ERN1: variants seen among roughly 807,000 people sequenced by gnomAD.
The protein encoded by ERN1 is serine/threonine-protein kinase/endoribonuclease IRE1.
In ERN1, 39 loss-of-function variants were observed where a neutral mutation model predicts 113.1. That is an observed-to-expected ratio of 0.34 (90% CI 0.27 to 0.45). ERN1 has a LOEUF of 0.45. Among genes scored for constraint, ERN1 ranks in the 20% least tolerant of loss-of-function variants. The pLI, the probability that ERN1 is intolerant of heterozygous loss-of-function variation, is 1.00. For synonymous variants in ERN1, 507 were observed against 515.9 expected, an observed-to-expected ratio of 0.98 and a Z score of 0.23; for missense variants, 976 against 1,274.8, an observed-to-expected ratio of 0.77 and a Z score of 3.57.
chr17:64,104,070 C>T (rs1433708231), intron 1 of ERN1, among the ~76,000 whole-genome samples: 1 of 148,484 alleles, frequency 6.7e-6, no homozygotes. Context: ...GAGACCCCAT[C>T]TTGACAAAAA....
At chr17:64,072,792 A>G (rs995386811) in intron 5 of ERN1, among the ~76,000 whole-genome samples, 1 of 152,236 alleles carries the variant, frequency 6.6e-6, no homozygotes, top group African/African-American at 2.4e-5. Flanking sequence ...TCAATGGTAT[A>G]TACCCAACAG....
At chr17:64,075,548 T>A (rs2143398406) in intron 4 of ERN1, among the ~76,000 whole-genome samples, 1 of 152,280 alleles carries the variant, frequency 6.6e-6, no homozygotes, top group East Asian at 1.9e-4. Flanking sequence ...TTCTCTCACC[T>A]CAGCCTCCCA....
intron 1 of ERN1, among the ~76,000 whole-genome samples, chr17:64,121,278 G>T (rs535441408): frequency 6.6e-6 from 1 of 152,312 alleles, no homozygotes; most frequent in African/African-American, 2.4e-5. Flanking sequence ...GCACGGTAAT[G>T]CAAGAGTTCT....
intron 12 of ERN1, among the ~76,000 whole-genome samples, chr17:64,057,421 T>C (rs1008793102): frequency 6.6e-5 from 10 of 151,416 alleles, no homozygotes; most frequent in Non-Finnish European, 8.8e-5. Flanking sequence ...CAGGCTGGAG[T>C]GCAGTGGTGT....
chr17:64,078,470 C>A (rs934723206), intron 4 of ERN1, among the ~76,000 whole-genome samples: 2 of 152,084 alleles, frequency 1.3e-5, no homozygotes, highest in African/African-American at 4.8e-5. Flanking sequence ...TTAATATAAT[C>A]AATATATTGA....
chr17:64,090,736 T>C (rs1914065357), intron 2 of ERN1, among the ~76,000 whole-genome samples: 1 of 152,136 alleles, frequency 6.6e-6, no homozygotes, highest in South Asian at 2.1e-4. Context: ...AAATGAGAAA[T>C]GCATTACTTT....
chr17:64,066,742 A>G lies in ERN1; in HGVS notation c.771T>C (p.Ser257=). The part of the protein sequence containing the change: ...VETLRYLTFM[S]GEVGRITKWK... Reference sequence around the variant, plus strand: ...ACTTTGTGATGCGCCCCACCTCCCCAGACATGAAGGTCAGATAGCGCAGGG... The same window carrying G: ...ACTTTGTGATGCGCCCCACCTCCCCGGACATGAAGGTCAGATAGCGCAGGG... The change falls in exon 8 of 22, where the codon TCT becomes TCC. Residue 257 remains serine (S), a synonymous_variant. Coordinates refer to ENST00000433197, the MANE Select transcript of ERN1 (RefSeq NM_001433.5). 6.2e-7 allele frequency: 1 copy of G among 1,613,920 alleles called. No individual in the cohort carries two copies. Among genetic ancestry groups the G allele is most frequent in the East Asian group, 2.2e-5 (1 of 44,876 alleles).
chr17:64,126,847 C>T (rs891778929), intron 1 of ERN1, among the ~76,000 whole-genome samples: 4 of 151,660 alleles, frequency 2.6e-5, no homozygotes, highest in Non-Finnish European at 5.9e-5. Context: ...CCTCAGTTCT[C>T]GGTGACTTTT....
intron 2 of ERN1, among the ~76,000 whole-genome samples, chr17:64,083,849 C>T (rs1913842983): frequency 6.6e-6 from 1 of 152,178 alleles, no homozygotes; most frequent in African/African-American, 2.4e-5. Flanking sequence ...ATCTAAATCA[C>T]TTCTTTAAGC....
intron 1 of ERN1, among the ~76,000 whole-genome samples, chr17:64,104,900 C>A (rs1230772855): frequency 2.6e-5 from 4 of 152,150 alleles, no homozygotes; most frequent in Non-Finnish European, 5.9e-5. Context: ...CAGTGTCATG[C>A]ACACGTGTTC....
intron 1 of ERN1, among the ~76,000 whole-genome samples, chr17:64,103,410 T>C (rs1346636395): frequency 2.0e-5 from 3 of 149,436 alleles, no homozygotes; most frequent in Non-Finnish European, 4.4e-5. Flanking sequence ...GGCAGGAGAA[T>C]CGCTTGAACC....
At chr17:64,048,053 T>C in intron 18 of ERN1, 68 bp from the exon 19 acceptor site, 2 of 1,391,280 alleles carry the variant, frequency 1.4e-6, no homozygotes, top group Non-Finnish European at 2.0e-6. Flanking sequence ...CCAAAAACTT[T>C]AAAAAGCTGC....
chr17:64,063,914 C>T lies in ERN1; in HGVS notation c.1087+72G>A. 2 of 1,476,134 alleles carry T rather than the reference C, an allele frequency of 1.4e-6. No homozygotes were observed. The highest frequency in any genetic ancestry group is 1.9e-6 in the Non-Finnish European group (2 of 1,072,562). 91.4% of individuals were successfully genotyped at this position (1,476,134 alleles called of 1,614,324 possible). A position where few individuals can be genotyped will look rare whatever the true frequency, so the allele number is the denominator to read the frequency against. On this transcript the variant is annotated intron_variant, in intron 10 of 21. Coordinates refer to ENST00000433197, the MANE Select transcript of ERN1 (RefSeq NM_001433.5). This position sits in a 1 kb window ranked among gnomAD's most constrained non-coding sequence, Gnocchi z 5.1. ...TTCCGAGCTCAGTACGGTGTAACTA[C>T]CAGGGCCGGCGGTCGCCCACCAGGA...
rs534429425 is a variant in ERN1, at chr17:64,098,439, C to A, written c.55-198G>T. ...CACCTCACTCTAAGCAGTGATCCTG[C>A]CTGCAGACAGGCAGGCTCATGACCT... On this transcript the variant is annotated intron_variant, in intron 1 of 21. Coordinates refer to ENST00000433197, the MANE Select transcript of ERN1 (RefSeq NM_001433.5). 58 of 756,920 alleles carry A rather than the reference C, an allele frequency of 7.7e-5. 1 individual carries two copies. The highest frequency in any genetic ancestry group is 4.7e-4 in the South Asian group (35 of 73,864). The allele number at this position is 756,920 out of a possible 1,614,324, so 46.9% of individuals were successfully genotyped here. A position where few individuals can be genotyped will look rare whatever the true frequency, so the allele number is the denominator to read the frequency against.
intron 2 of ERN1, among the ~76,000 whole-genome samples, chr17:64,091,103 G>A (rs1047592572): frequency 2.6e-5 from 4 of 152,156 alleles, no homozygotes; most frequent in Non-Finnish European, 4.4e-5. Flanking sequence ...AAAAGTCCTT[G>A]AGAGAAAACA....
intron 5 of ERN1, among the ~76,000 whole-genome samples, chr17:64,072,825 T>C (rs1003796183): frequency 1.3e-5 from 2 of 152,202 alleles, no homozygotes; most frequent in Admixed American, 6.5e-5. Flanking sequence ...GGAGAGTCTG[T>C]AGCAAGGGCC....
At chr17:64,124,463 T>C (rs1915028660) in intron 1 of ERN1, among the ~76,000 whole-genome samples, 1 of 152,202 alleles carries the variant, frequency 6.6e-6, no homozygotes, top group Non-Finnish European at 1.5e-5. Context: ...GGGAGACAAC[T>C]GAATCATGGG....
At chr17:64,123,110 G>A (rs557583051) in intron 1 of ERN1, among the ~76,000 whole-genome samples, 1 of 152,054 alleles carries the variant, frequency 6.6e-6, no homozygotes, top group South Asian at 2.1e-4. Context: ...AGGAAAAACA[G>A]CCACATGTTT....
At chr17:64,062,658 C>T (rs1268603364) in intron 10 of ERN1, among the ~76,000 whole-genome samples, 3 of 152,118 alleles carry the variant, frequency 2.0e-5, no homozygotes, top group Admixed American at 2.0e-4. Context: ...TCCTTAATTC[C>T]ACTTCTTAAT....
Sources: gnomAD v4.1 joint callset for allele counts (sites outside exome capture counted in the v4.1 genomes callset) on GRCh38, gnomAD v4.1.1 for gene constraint, Gnocchi (gnomAD v3.1) non-coding constraint, MANE v1.5 for transcripts, NCBI Gene and HGNC (gene_info 2026-07-23, HGNC 2026-07-21) for gene names.